Variants in CYSLTR2 observed in about 807,000 individuals in gnomAD.
CYSLTR2 encodes the protein cysteinyl leukotriene receptor 2, also known as G-protein coupled receptor GPCR21.
For synonymous variants in CYSLTR2, 179 were observed against 160.8 expected, an observed-to-expected ratio of 1.11 and a Z score of -0.86; for missense variants, 398 against 411.9, an observed-to-expected ratio of 0.97 and a Z score of 0.29.
At chr13:48,699,902 T>C (rs1235336245) in intron 4 of CYSLTR2, among the ~76,000 whole-genome samples, 1 of 151,994 alleles carries the variant, frequency 6.6e-6, no homozygotes, top group Non-Finnish European at 1.5e-5. Flanking sequence ...TCTAAGCAAA[T>C]AAACTAGAAA....
chr13:48,690,659 T>A (rs1490451450), intron 1 of CYSLTR2, among the ~76,000 whole-genome samples: 3 of 152,242 alleles, frequency 2.0e-5, no homozygotes, highest in African/African-American at 7.2e-5. Flanking sequence ...AGTTTGCCAC[T>A]ATTTTATTGA....
chr13:48,678,387 T>G (rs1042747926), intron 1 of CYSLTR2, among the ~76,000 whole-genome samples: 4 of 152,152 alleles, frequency 2.6e-5, no homozygotes, highest in African/African-American at 4.8e-5. Flanking sequence ...GTCTTGGCAT[T>G]GTGTTCTTTA....
chr13:48,663,954 G>T (rs546727136), intron 1 of CYSLTR2, among the ~76,000 whole-genome samples: 2 of 152,126 alleles, frequency 1.3e-5, no homozygotes, highest in South Asian at 4.1e-4. Context: ...TAAGATGTTT[G>T]CTGTGAGTTT....
intron 1 of CYSLTR2, among the ~76,000 whole-genome samples, chr13:48,683,083 T>C (rs1302713998): frequency 2.0e-5 from 3 of 152,364 alleles, no homozygotes; most frequent in African/African-American, 7.2e-5. Context: ...GGTTACATAG[T>C]ATTCCATGGT....
intron 1 of CYSLTR2, among the ~76,000 whole-genome samples, chr13:48,669,613 AT>A (rs1953365460): frequency 6.6e-6 from 1 of 151,868 alleles, no homozygotes; most frequent in African/African-American, 2.4e-5. Context: ...TGAACTCATT[AT>A]TTTTTATGGC....
At chr13:48,687,048 G>A (rs1361865549) in intron 1 of CYSLTR2, among the ~76,000 whole-genome samples, 1 of 152,118 alleles carries the variant, frequency 6.6e-6, no homozygotes, top group African/African-American at 2.4e-5. Flanking sequence ...TAAGAAAAAG[G>A]GATTTGCTCT....
intron 2 of CYSLTR2, among the ~76,000 whole-genome samples, chr13:48,692,710 C>T (rs1448080088): frequency 6.6e-6 from 1 of 151,126 alleles, no homozygotes; most frequent in Admixed American, 6.6e-5. Flanking sequence ...AAGTAATCAA[C>T]CTTCCTTTTC....
At chr13:48,675,840 T>G (rs755505747) in intron 1 of CYSLTR2, among the ~76,000 whole-genome samples, 11 of 152,182 alleles carry the variant, frequency 7.2e-5, no homozygotes, top group African/African-American at 2.2e-4. Context: ...GCATAGTATC[T>G]GGGCCAAATA....
intron 4 of CYSLTR2, among the ~76,000 whole-genome samples, chr13:48,706,403 A>G (rs991106872): frequency 6.6e-6 from 1 of 152,218 alleles, no homozygotes; most frequent in Non-Finnish European, 1.5e-5. Context: ...CTGGACATAG[A>G]ATACTAGTTT....
At chr13:48,675,702 A>T (rs1362088143) in intron 1 of CYSLTR2, among the ~76,000 whole-genome samples, 2 of 152,238 alleles carry the variant, frequency 1.3e-5, no homozygotes, top group South Asian at 2.1e-4. Flanking sequence ...GCATAGCAAA[A>T]AACTCCTGCA....
intron 4 of CYSLTR2, among the ~76,000 whole-genome samples, chr13:48,701,114 C>T (rs1439467296): frequency 6.6e-6 from 1 of 152,130 alleles, no homozygotes; most frequent in Admixed American, 6.5e-5. Context: ...ACTTTCTTCA[C>T]AGAATTGGAA....
At chr13:48,661,494 G>T (rs1265968710) in intron 1 of CYSLTR2, among the ~76,000 whole-genome samples, 1 of 151,940 alleles carries the variant, frequency 6.6e-6, no homozygotes, top group East Asian at 1.9e-4. Context: ...CCTCCTTAAT[G>T]CTTGTTCTAG....
intron 4 of CYSLTR2, among the ~76,000 whole-genome samples, chr13:48,699,753 A>G (rs974923974): frequency 2.0e-5 from 3 of 152,326 alleles, no homozygotes; most frequent in East Asian, 1.9e-4. Flanking sequence ...AAAGATCAAC[A>G]AAATTGATAG....
intron 1 of CYSLTR2, among the ~76,000 whole-genome samples, chr13:48,689,262 T>C (rs1953974783): frequency 6.6e-6 from 1 of 152,214 alleles, no homozygotes; most frequent in South Asian, 2.1e-4. Context: ...TTAGTTTAAT[T>C]AGATCCCATT....
rs919656012 is a variant in CYSLTR2 at position 48,699,068 on chromosome 13, T to A, written c.-2+2442T>A. 3.9e-4 allele frequency among the ~76,000 whole-genome samples: 60 copies of A among 152,122 alleles called. 1 individual carries two copies. The highest frequency in any genetic ancestry group is 8.1e-4 in the Non-Finnish European group (55 of 68,016). Reference sequence around the variant, plus strand: ...AGAGACTTAGACTCCCACACAATAATAATGGGAGACTTTAACACCCCACTG... The same window carrying A: ...AGAGACTTAGACTCCCACACAATAAAAATGGGAGACTTTAACACCCCACTG... On this transcript the variant is annotated intron_variant, in intron 4 of 4. Transcript: ENST00000682523.
intron 1 of CYSLTR2, among the ~76,000 whole-genome samples, chr13:48,666,215 T>G (rs73495130): frequency 0.011 from 1,685 of 152,200 alleles, 28 homozygotes; most frequent in African/African-American, 0.038. Context: ...TATGTTGAAT[T>G]TATCATCCCA....
At chr13:48,683,476 G>T (rs1953812828) in intron 1 of CYSLTR2, among the ~76,000 whole-genome samples, 1 of 152,118 alleles carries the variant, frequency 6.6e-6, no homozygotes, top group Non-Finnish European at 1.5e-5. Flanking sequence ...TTTATCTAAT[G>T]ATCAGTGATA....
At position 48,672,762 on chromosome 13, in the gene CYSLTR2, C is replaced by T. The variant is rs372951236; in HGVS notation, c.-265-18450C>T. Among the ~76,000 whole-genome samples the T allele has an allele frequency of 1.2e-4, 18 of 151,874 alleles. No individual in the cohort carries two copies. The South Asian group carries it at 1.2e-3, about 11-fold the overall frequency. ...CCTCCTAAGTAGTTGGGACTACAGACGCCTGCCACCACGCCCGGCTAATTT... is the reference window on the plus strand; with the variant it reads ...CCTCCTAAGTAGTTGGGACTACAGATGCCTGCCACCACGCCCGGCTAATTT... On this transcript the variant is annotated intron_variant, in intron 1 of 4. Transcript: ENST00000682523.
At chr13:48,705,117 C>A (rs1170272495) in intron 4 of CYSLTR2, among the ~76,000 whole-genome samples, 1 of 152,092 alleles carries the variant, frequency 6.6e-6, no homozygotes, top group East Asian at 1.9e-4. Flanking sequence ...TGGCGCATAC[C>A]CATTTAGAAT....
Sources: gnomAD v4.1 joint callset for allele counts (sites outside exome capture counted in the v4.1 genomes callset) on GRCh38, gnomAD v4.1.1 for gene constraint, MANE v1.5 for transcripts, NCBI Gene and HGNC (gene_info 2026-07-23, HGNC 2026-07-21) for gene names.